Variants in TBXAS1 observed in about 807,000 individuals in gnomAD.
TBXAS1 encodes the protein thromboxane A synthase 1, also known as thromboxane-A synthase.
Under a neutral mutation model 60.7 loss-of-function variants are expected in TBXAS1, and 48 were observed. The ratio of observed to expected loss-of-function variants is 0.79; its 90% CI spans 0.63 to 1.01. TBXAS1 has a LOEUF of 1.01. TBXAS1 is among the 50% of genes least tolerant of loss of function. The probability of loss-of-function intolerance (pLI) is 0.00; values close to 1 mark genes in which losing one functional copy is unlikely to be tolerated. For synonymous variants in TBXAS1, 287 were observed against 269.7 expected (o/e 1.06, Z -0.63); for missense variants, 685 against 686.3 (o/e 1.00, Z 0.02).
chr7:139,892,453 T>A (rs934583047), intron 3 of TBXAS1, among the ~76,000 whole-genome samples: 1 of 151,918 alleles, frequency 6.6e-6, no homozygotes, highest in Non-Finnish European at 1.5e-5. Flanking sequence ...ATTAGCCTAG[T>A]ATGGTGCCGC....
intron 1 of TBXAS1, among the ~76,000 whole-genome samples, chr7:139,861,245 A>G (rs1409345412): frequency 1.3e-5 from 2 of 151,642 alleles, no homozygotes; most frequent in African/African-American, 4.8e-5. Flanking sequence ...GACACTTACT[A>G]TACATATAGA....
intron 12 of TBXAS1, among the ~76,000 whole-genome samples, chr7:140,018,974 T>C (rs1011127466): frequency 1.1e-4 from 16 of 152,222 alleles, no homozygotes; most frequent in African/African-American, 3.9e-4. Context: ...GCGTTAGCTA[T>C]TCCCTGCCTA....
At chr7:139,959,383 C>T (rs961214239) in intron 8 of TBXAS1, among the ~76,000 whole-genome samples, 1 of 152,164 alleles carries the variant, frequency 6.6e-6, no homozygotes, top group Admixed American at 6.5e-5. Flanking sequence ...AAGCTCTAGC[C>T]GATGGGTGGA....
intron 5 of TBXAS1, among the ~76,000 whole-genome samples, chr7:139,951,842 A>AAGGAAAGAAAGAGGAAAGAAAGAAG (rs1569518327): frequency 8.1e-5 from 3 of 36,822 alleles, no homozygotes; most frequent in African/African-American, 1.4e-4. Context: ...AAAGAAAGAA[A>AAGGAAAGAAAGAGGAAAGAAAGAAG]GAAGGAAGGA....
At chr7:139,997,949 A>G (rs1387011341) in intron 9 of TBXAS1, among the ~76,000 whole-genome samples, 4 of 152,210 alleles carry the variant, frequency 2.6e-5, no homozygotes, top group African/African-American at 9.6e-5. Context: ...TTTATTCATA[A>G]TGGCCCCCAA....
chr7:139,979,107 A>T (rs556478309), intron 9 of TBXAS1, among the ~76,000 whole-genome samples: 2 of 152,188 alleles, frequency 1.3e-5, no homozygotes, highest in African/African-American at 4.8e-5. Flanking sequence ...TCTGAGGTAG[A>T]TCGTTCCAGG....
At chr7:139,844,898 G>A (rs917685989) in intron 1 of TBXAS1, among the ~76,000 whole-genome samples, 8 of 152,064 alleles carry the variant, frequency 5.3e-5, no homozygotes, top group African/African-American at 1.9e-4. Context: ...GTGTCCTTGG[G>A]CCAGCCACTC....
At chr7:139,930,297 G>C (rs753764746) in intron 4 of TBXAS1, among the ~76,000 whole-genome samples, 1 of 152,226 alleles carries the variant, frequency 6.6e-6, no homozygotes, top group Non-Finnish European at 1.5e-5. Flanking sequence ...TGCAAGCTCT[G>C]TGAGGACACG....
At chr7:139,819,102 T>G (rs568507893) in intron 4 of TBXAS1, among the ~76,000 whole-genome samples, 2 of 152,234 alleles carry the variant, frequency 1.3e-5, no homozygotes, top group African/African-American at 4.8e-5. Flanking sequence ...GTGGCAGGAA[T>G]GCTATATGCT....
At chr7:139,805,732 TTC>T in intron 4 of TBXAS1, among the ~76,000 whole-genome samples, 1 of 74,540 alleles carries the variant, frequency 1.3e-5, no homozygotes, top group Admixed American at 1.5e-4. Flanking sequence ...CTCTCTCTCT[TTC>T]TTTCTTTCTT....
At chr7:139,984,474 C>T (rs1812192420) in intron 9 of TBXAS1, among the ~76,000 whole-genome samples, 1 of 151,900 alleles carries the variant, frequency 6.6e-6, no homozygotes, top group African/African-American at 2.4e-5. Flanking sequence ...CCCTCACCTG[C>T]CACTCCTGGG....
intron 9 of TBXAS1, among the ~76,000 whole-genome samples, chr7:139,995,013 G>A (rs1180617778): frequency 6.6e-6 from 1 of 152,200 alleles, no homozygotes; most frequent in African/African-American, 2.4e-5. Context: ...GCAGAGCTGG[G>A]GAGCGCAGGA....
intron 4 of TBXAS1, among the ~76,000 whole-genome samples, chr7:139,924,848 G>A (rs1201826342): frequency 6.6e-6 from 1 of 152,156 alleles, no homozygotes; most frequent in Non-Finnish European, 1.5e-5. Flanking sequence ...GTGAGAGATA[G>A]GGGTCTAGTT....
intron 1 of TBXAS1, among the ~76,000 whole-genome samples, chr7:139,832,186 G>A (rs906424638): frequency 2.0e-5 from 3 of 152,168 alleles, no homozygotes; most frequent in Non-Finnish European, 4.4e-5. Flanking sequence ...GCGGAAGTGG[G>A]AAAGGGAGAC....
chr7:139,870,864 G>A (rs936841358), intron 1 of TBXAS1, among the ~76,000 whole-genome samples: 11 of 152,178 alleles, frequency 7.2e-5, no homozygotes, highest in Admixed American at 7.2e-4. Flanking sequence ...CAAGGCAGGA[G>A]GACCGCTTGA....
At chr7:139,823,528 A>G (rs901773203) in intron 4 of TBXAS1, among the ~76,000 whole-genome samples, 4 of 152,010 alleles carry the variant, frequency 2.6e-5, no homozygotes, top group Admixed American at 1.3e-4. Context: ...TATCTTTTGT[A>G]AGGAGGTGAA....
At chr7:139,800,117 T>G (rs941456023) in intron 4 of TBXAS1, among the ~76,000 whole-genome samples, 1 of 152,180 alleles carries the variant, frequency 6.6e-6, no homozygotes, top group African/African-American at 2.4e-5. Context: ...AATGCCACCC[T>G]TTATTGAGAC....
At chr7:139,987,978 G>C (rs368608490) in intron 9 of TBXAS1, among the ~76,000 whole-genome samples, 91 of 152,104 alleles carry the variant, frequency 6.0e-4, no homozygotes, top group Non-Finnish European at 9.7e-4. Flanking sequence ...ATAAGTTTTG[G>C]GAAAGGTCCT....
chr7:139,939,807 C>T (rs556285322), intron 5 of TBXAS1, among the ~76,000 whole-genome samples: 26 of 152,180 alleles, frequency 1.7e-4, no homozygotes, highest in Admixed American at 1.5e-3. Flanking sequence ...GAAATGGAAA[C>T]CAGCAGAATG....
Sources: gnomAD v4.1 joint callset for allele counts (sites outside exome capture counted in the v4.1 genomes callset) on GRCh38, gnomAD v4.1.1 for gene constraint, MANE v1.5 for transcripts, NCBI Gene and HGNC (gene_info 2026-07-23, HGNC 2026-07-21) for gene names.